Variants in PCLO observed in about 807,000 individuals in gnomAD.
The protein encoded by PCLO is piccolo presynaptic cytomatrix protein, also known as protein piccolo.
PCLO carries 82 observed loss-of-function variants against 427.5 expected under a neutral mutation model. The observed-to-expected ratio is 0.19, with a 90% CI of 0.16 to 0.23. The LOEUF (loss-of-function observed/expected upper bound fraction) is 0.23, where lower values mean the gene tolerates loss of function less well. Ranked by LOEUF, PCLO falls within the 10% of genes least tolerant of loss-of-function variation. The pLI, the probability that PCLO is intolerant of heterozygous loss-of-function variation, is 1.00. For synonymous variants in PCLO, 2,357 were observed against 2,155.4 expected (o/e 1.09, Z -2.59); for missense variants, 6,239 against 6,115.9 (o/e 1.02, Z -0.67).
intron 9 of PCLO, among the ~76,000 whole-genome samples, chr7:82,891,469 T>C (rs1448681947): frequency 6.6e-6 from 1 of 152,082 alleles, no homozygotes; most frequent in Non-Finnish European, 1.5e-5. Context: ...TATACAACCA[T>C]GTCATCTGCA....
intron 19 of PCLO, among the ~76,000 whole-genome samples, chr7:82,823,113 G>A (rs369099211): frequency 6.6e-6 from 1 of 152,154 alleles, no homozygotes; most frequent in South Asian, 2.1e-4. Flanking sequence ...AACCATTGTA[G>A]AGAATGTATG....
At chr7:82,804,909 G>T (rs1229959168) in intron 21 of PCLO, among the ~76,000 whole-genome samples, 1 of 152,184 alleles carries the variant, frequency 6.6e-6, no homozygotes, top group East Asian at 1.9e-4. Context: ...GTGGCCCAGT[G>T]GTATTTTCAA....
intron 10 of PCLO, among the ~76,000 whole-genome samples, chr7:82,869,250 T>C (rs1793172450): frequency 6.6e-6 from 1 of 152,148 alleles, no homozygotes; most frequent in African/African-American, 2.4e-5. Context: ...CATATAATAT[T>C]GTTAATAAGT....
chr7:83,023,589 C>G (rs1474457303), intron 3 of PCLO, among the ~76,000 whole-genome samples: 1 of 152,130 alleles, frequency 6.6e-6, no homozygotes, highest in Non-Finnish European at 1.5e-5. Flanking sequence ...TCCCTAAATG[C>G]TTTAGCACAA....
At chr7:83,117,613 G>A (rs1039317172) in intron 3 of PCLO, among the ~76,000 whole-genome samples, 1 of 152,136 alleles carries the variant, frequency 6.6e-6, no homozygotes, top group African/African-American at 2.4e-5. Flanking sequence ...CAAGCTGAGT[G>A]TTCTTCACCT....
intron 22 of PCLO, among the ~76,000 whole-genome samples, chr7:82,771,417 C>T (rs1047408269): frequency 9.9e-5 from 15 of 151,806 alleles, no homozygotes; most frequent in African/African-American, 3.4e-4. Context: ...AAAATTTTCA[C>T]CCTTCAAATT....
intron 2 of PCLO, among the ~76,000 whole-genome samples, chr7:83,143,194 A>G (rs957936525): frequency 2.0e-5 from 3 of 152,192 alleles, no homozygotes; most frequent in Admixed American, 1.3e-4. Context: ...ATAAAGTTTG[A>G]TAACAGATTA....
chr7:83,049,723 C>T (rs1278854542), intron 3 of PCLO, among the ~76,000 whole-genome samples: 1 of 152,054 alleles, frequency 6.6e-6, no homozygotes, highest in Non-Finnish European at 1.5e-5. Context: ...ACTATTATCT[C>T]CTTGCTTTAA....
chr7:82,771,936 G>A (rs62466892), intron 22 of PCLO, among the ~76,000 whole-genome samples: 9,654 of 151,982 alleles, frequency 0.064, 711 homozygotes, highest in African/African-American at 0.18. Flanking sequence ...AGCTTATGAA[G>A]GCATACTTTT....
intron 3 of PCLO, among the ~76,000 whole-genome samples, chr7:83,041,545 G>GTAAT (rs1299461076): frequency 6.6e-6 from 1 of 152,122 alleles, no homozygotes; most frequent in Admixed American, 6.6e-5. Flanking sequence ...ATAGCCATTA[G>GTAAT]TGACCAACTT....
rs567898611 is a variant in PCLO at position 82,961,488 on chromosome 7, T to C, written c.4017+4283A>G. Among the ~76,000 whole-genome samples the C allele has an allele frequency of 5.3e-5, 8 of 152,316 alleles. No homozygotes were observed. The South Asian group carries it at 1.7e-3, about 32-fold the overall frequency. On this transcript the variant is annotated intron_variant, in intron 4 of 24. Coordinates refer to ENST00000333891, the MANE Select transcript of PCLO (RefSeq NM_033026.6). ...ATTCCAGAAGGCTGAGAAAGCCAAC[T>C]AAGCCATTTAGACAGGAGTCTCCAC... is the stretch of plus-strand genomic sequence containing the variant.
At chr7:82,841,414 AC>A (rs771657689) in intron 14 of PCLO, 44 bp downstream of exon 14, 2 of 1,232,178 alleles carry the variant, frequency 1.6e-6, no homozygotes, top group Admixed American at 3.4e-5. Context: ...TGGCAAAACA[AC>A]CAAAAAAGGT....
intron 3 of PCLO, among the ~76,000 whole-genome samples, chr7:83,112,475 A>AC (rs1199643744): frequency 2.6e-5 from 4 of 152,292 alleles, no homozygotes; most frequent in African/African-American, 9.6e-5. Flanking sequence ...TTTTAGATAT[A>AC]CAAAAGAATG....
intron 2 of PCLO, 39 bp downstream of exon 2, chr7:83,154,709 T>C (rs775301857): frequency 3.0e-5 from 43 of 1,413,124 alleles, no homozygotes; most frequent in Non-Finnish European, 4.0e-5. Flanking sequence ...GAGGATGATA[T>C]GGCTGAAGAG....
chr7:82,915,269 A>T lies in PCLO; in HGVS notation c.12717T>A (p.Asp4239Glu). 6.2e-7 allele frequency: 1 copy of T among 1,613,616 alleles called. No homozygotes were observed. Among genetic ancestry groups the T allele is most frequent in the Non-Finnish European group, 8.5e-7 (1 of 1,179,738 alleles). The stretch of plus-strand genomic sequence containing the variant: ...TTTTTCTGAGGCCAAAAGTGATGTC[A>T]TCTTGAAGGAGCCTTGCCCTGGAGG... ...GISSRARLLQ[D>E]DITFGLRKNI... The change falls in exon 7 of 25, where the codon GAT (aspartate) becomes GAA (glutamate). Residue 4239 changes from aspartate to glutamate, a missense_variant. Coordinates refer to ENST00000333891, the MANE Select transcript of PCLO (RefSeq NM_033026.6).
chr7:82,802,856 G>A (rs937456923), intron 21 of PCLO, among the ~76,000 whole-genome samples: 2 of 151,952 alleles, frequency 1.3e-5, no homozygotes, highest in African/African-American at 4.8e-5. Context: ...AAATGTTTCC[G>A]CACATAATAA....
At chr7:82,773,724 C>CT (rs573681309) in intron 22 of PCLO, among the ~76,000 whole-genome samples, 8,625 of 147,334 alleles carry the variant, frequency 0.059, 538 homozygotes, top group African/African-American at 0.16. Flanking sequence ...TTGTGCTATT[C>CT]TTTTTTTTTT....
chr7:82,788,245 ATAAT>A (rs1229640307), intron 22 of PCLO, among the ~76,000 whole-genome samples: 1 of 147,660 alleles, frequency 6.8e-6, no homozygotes, highest in African/African-American at 2.5e-5. Flanking sequence ...TAATTTATAT[ATAAT>A]TAATAATTTA....
At chr7:82,858,364 C>A (rs757463723) in intron 10 of PCLO, among the ~76,000 whole-genome samples, 7 of 152,084 alleles carry the variant, frequency 4.6e-5, no homozygotes, top group Non-Finnish European at 1.0e-4. Context: ...TAATATCATA[C>A]TCAATGAAGA....
Sources: allele counts gnomAD v4.1 joint callset (sites outside exome capture counted in the v4.1 genomes callset), GRCh38; gene constraint gnomAD v4.1.1; transcripts MANE v1.5; gene names NCBI Gene and HGNC (gene_info 2026-07-23, HGNC 2026-07-21).